The following MGAT5 variants were observed in gnomAD, a reference collection of about 807,000 sequenced individuals.
The protein encoded by MGAT5 is alpha-1,6-mannosylglycoprotein 6-beta-N-acetylglucosaminyltransferase A.
MGAT5 carries 30 observed loss-of-function variants against 94.3 expected under a neutral mutation model. The ratio of observed to expected loss-of-function variants is 0.32; its 90% CI spans 0.24 to 0.43. The LOEUF (loss-of-function observed/expected upper bound fraction) is 0.43. MGAT5 is among the 20% of genes least tolerant of loss of function. The probability of loss-of-function intolerance (pLI) is 1.00; values close to 1 mark genes in which losing one functional copy is unlikely to be tolerated. For synonymous variants in MGAT5, 310 were observed against 322.9 expected, an observed-to-expected ratio of 0.96 and a Z score of 0.43; for missense variants, 691 against 905.5, an observed-to-expected ratio of 0.76 and a Z score of 3.04.
intron 10 of MGAT5, among the ~76,000 whole-genome samples, chr2:134,379,427 C>T (rs182493862): frequency 8.5e-5 from 13 of 152,270 alleles, no homozygotes; most frequent in African/African-American, 1.4e-4. Context: ...TTAGTGTAAG[C>T]GATTTCTTGT....
intron 14 of MGAT5, among the ~76,000 whole-genome samples, chr2:134,440,122 T>G (rs1685403941): frequency 6.6e-6 from 1 of 152,136 alleles, no homozygotes; most frequent in Non-Finnish European, 1.5e-5. Context: ...TTAGACCTGC[T>G]GGTTTCCTCT....
At chr2:134,359,441 T>TA (rs562477556) in intron 9 of MGAT5, among the ~76,000 whole-genome samples, 50 of 152,342 alleles carry the variant, frequency 3.3e-4, no homozygotes, top group African/African-American at 1.1e-3. Flanking sequence ...ACAAACATGT[T>TA]ACACGGTTAT....
intron 1 of MGAT5, among the ~76,000 whole-genome samples, chr2:134,216,882 G>T (rs377568898): frequency 1.3e-5 from 2 of 152,146 alleles, no homozygotes; most frequent in African/African-American, 4.8e-5. Flanking sequence ...ATAGATTGGC[G>T]CTCTAGTCTG....
intron 2 of MGAT5, among the ~76,000 whole-genome samples, chr2:134,275,158 A>G (rs1429870236): frequency 1.3e-5 from 2 of 152,306 alleles, no homozygotes; most frequent in Non-Finnish European, 2.9e-5. Context: ...TGACTTTCCC[A>G]GGGTCAGATA....
At chr2:134,205,703 T>TA (rs764859000) in intron 1 of MGAT5, among the ~76,000 whole-genome samples, 3 of 152,280 alleles carry the variant, frequency 2.0e-5, no homozygotes, top group East Asian at 1.9e-4. Context: ...AGCCTCCACT[T>TA]ACAGTTGGCA....
rs571892106 is a variant in MGAT5 at position 134,126,690 on chromosome 2, C to T, written c.-143+6399C>T. On this transcript the variant is annotated intron_variant, in intron 1 of 16. Coordinates refer to the MGAT5 transcript ENST00000409645. ...TTCCTTTAGTGAAGCTATTTTTTCC[C>T]TTGGGAAATTGAGATTCAAAGAGTA... 3.3e-5 allele frequency among the ~76,000 whole-genome samples: 5 copies of T among 152,208 alleles called. No homozygotes were observed. In the East Asian group the frequency reaches 9.7e-4, roughly 29 times the overall value.
chr2:134,398,257 G>A (rs1252473761), intron 10 of MGAT5, among the ~76,000 whole-genome samples: 4 of 152,198 alleles, frequency 2.6e-5, no homozygotes. Context: ...CCACTGTCCT[G>A]TTAGGCCTTC....
At chr2:134,410,815 G>A (rs1356263806) in intron 11 of MGAT5, among the ~76,000 whole-genome samples, 1 of 152,294 alleles carries the variant, frequency 6.6e-6, no homozygotes, top group Non-Finnish European at 1.5e-5. Flanking sequence ...ATTTTCAGAG[G>A]TCAGGAGGCA....
rs527805349 is a variant in MGAT5 at position 134,422,671 on chromosome 2, A to C, written c.1678-132A>C. 1.5e-5 allele frequency: 10 copies of C among 663,544 alleles called. No homozygotes were observed. In the East Asian group the frequency reaches 2.6e-4, roughly 17 times the overall value. The allele number at this position is 663,544 out of a possible 1,614,324, so 41.1% of individuals were successfully genotyped here. The stretch of plus-strand genomic sequence containing the variant: ...TATCTGCTTATGGATGGTTTTGATC[A>C]TCAAGGGGAAGGACACAGTGTCTTG... On this transcript the variant is annotated intron_variant, in intron 12 of 15. Coordinates refer to ENST00000281923, the MANE Select transcript of MGAT5 (RefSeq NM_002410.5).
intron 1 of MGAT5, among the ~76,000 whole-genome samples, chr2:134,236,784 G>A (rs1002360467): frequency 6.6e-6 from 1 of 152,168 alleles, no homozygotes; most frequent in Admixed American, 6.5e-5. Flanking sequence ...GTGGGTGTGT[G>A]CATGGTTGGA....
chr2:134,189,592 G>GTTTTT lies in MGAT5; in HGVS notation c.-142-64665_-142-64661dup, dbSNP rs113582076. Among the ~76,000 whole-genome samples the GTTTTT allele has an allele frequency of 7.8e-3, 437 of 56,180 alleles. 16 individuals carry two copies. The highest frequency in any genetic ancestry group is 0.025 in the African/African-American group (406 of 16,004). 36.9% of individuals were successfully genotyped at this position (56,180 alleles called of 152,430 possible). On this transcript the variant is annotated intron_variant, in intron 1 of 16. Transcript: ENST00000409645. ...ACATATGACTAACCTCATGGCTCTA[G>GTTTTT]TTTTTTTTTGTTTTTTTTTTTTTTT... is the stretch of plus-strand genomic sequence containing the variant.
At chr2:134,171,969 A>G (rs1688232908) in intron 1 of MGAT5, among the ~76,000 whole-genome samples, 1 of 152,242 alleles carries the variant, frequency 6.6e-6, no homozygotes, top group Non-Finnish European at 1.5e-5. Flanking sequence ...GGTACCACCC[A>G]TAATCCTGAG....
At chr2:134,404,180 C>A (rs1683214443) in intron 11 of MGAT5, among the ~76,000 whole-genome samples, 1 of 152,204 alleles carries the variant, frequency 6.6e-6, no homozygotes, top group Admixed American at 6.5e-5. Flanking sequence ...ACATGGATCT[C>A]TCTTGTGGTA....
At chr2:134,314,108 G>A (rs1374501398) in intron 2 of MGAT5, among the ~76,000 whole-genome samples, 1 of 152,190 alleles carries the variant, frequency 6.6e-6, no homozygotes, top group Non-Finnish European at 1.5e-5. Context: ...GAAAGTCTTG[G>A]TCAGGTTATT....
intron 12 of MGAT5, 73 bp from the exon 13 acceptor site, chr2:134,422,730 A>C: frequency 9.1e-7 from 1 of 1,098,918 alleles, no homozygotes; most frequent in South Asian, 1.3e-5. Context: ...TACCATAAAA[A>C]GCATAGCACT....
At chr2:134,266,511 G>A (rs1281615669) in intron 1 of MGAT5, among the ~76,000 whole-genome samples, 3 of 152,222 alleles carry the variant, frequency 2.0e-5, no homozygotes, top group East Asian at 1.9e-4. Context: ...GTGAGCCGCC[G>A]CGCCAGCCTG....
At chr2:134,237,867 C>T (rs1156899884) in intron 1 of MGAT5, among the ~76,000 whole-genome samples, 1 of 151,582 alleles carries the variant, frequency 6.6e-6, no homozygotes, top group East Asian at 1.9e-4. Context: ...TCTCCTGCCT[C>T]AGCCTCCTGA....
At chr2:134,121,819 G>T (rs1345802025) in intron 1 of MGAT5, among the ~76,000 whole-genome samples, 1 of 152,126 alleles carries the variant, frequency 6.6e-6, no homozygotes, top group Non-Finnish European at 1.5e-5. Flanking sequence ...TTATTGTCAG[G>T]ACCTGATCAA....
intron 1 of MGAT5, among the ~76,000 whole-genome samples, chr2:134,246,105 CTAGTT>C (rs1682243334): frequency 1.4e-5 from 2 of 145,732 alleles, no homozygotes; most frequent in African/African-American, 5.1e-5. Context: ...TAAAATAAGA[CTAGTT>C]TAGCCACTTC....
Sources: gnomAD v4.1 joint callset for allele counts (sites outside exome capture counted in the v4.1 genomes callset) on GRCh38, gnomAD v4.1.1 for gene constraint, MANE v1.5 for transcripts, NCBI Gene and HGNC (gene_info 2026-07-23, HGNC 2026-07-21) for gene names.